GPC6: variants seen among roughly 807,000 people sequenced by gnomAD.
GPC6 encodes the protein glypican-6.
GPC6 carries 14 observed loss-of-function variants against 55.2 expected under a neutral mutation model. That is an observed-to-expected ratio of 0.25 (90% CI 0.17 to 0.40). GPC6 has a LOEUF of 0.40. Ranked by LOEUF, GPC6 falls within the 10% of genes least tolerant of loss-of-function variation. The probability of loss-of-function intolerance (pLI) is 1.00; values close to 1 mark genes in which losing one functional copy is unlikely to be tolerated. For synonymous variants in GPC6, 278 were observed against 259.6 expected, an observed-to-expected ratio of 1.07 and a Z score of -0.68; for missense variants, 641 against 708.5, an observed-to-expected ratio of 0.90 and a Z score of 1.08.
chr13:94,171,702 T>G (rs1888573945), intron 4 of GPC6, among the ~76,000 whole-genome samples: 1 of 152,120 alleles, frequency 6.6e-6, no homozygotes, highest in South Asian at 2.1e-4. Flanking sequence ...CCAGCTTGAG[T>G]TTCTTGAGGC....
chr13:93,482,954 A>G (rs542367318), intron 1 of GPC6, among the ~76,000 whole-genome samples: 23 of 152,258 alleles, frequency 1.5e-4, no homozygotes, highest in Admixed American at 5.2e-4. Context: ...TTAGAGTACA[A>G]GAGTGCATAG....
At chr13:93,812,395 AAAAAG>A (rs891716600) in intron 2 of GPC6, among the ~76,000 whole-genome samples, 2 of 152,194 alleles carry the variant, frequency 1.3e-5, no homozygotes, top group Admixed American at 1.3e-4. Context: ...CGGAAAAAAA[AAAAAG>A]AAGGAGATCT....
At chr13:93,892,746 C>T (rs1177647375) in intron 3 of GPC6, among the ~76,000 whole-genome samples, 1 of 152,126 alleles carries the variant, frequency 6.6e-6, no homozygotes, top group African/African-American at 2.4e-5. Flanking sequence ...CACTCAACAA[C>T]ATATCATTAA....
chr13:93,352,005 C>A (rs770210238), intron 1 of GPC6, among the ~76,000 whole-genome samples: 7 of 152,018 alleles, frequency 4.6e-5, no homozygotes, highest in Non-Finnish European at 1.0e-4. Context: ...AGGAAACCTG[C>A]AAAACTAATA....
At chr13:93,888,661 A>C (rs1875485206) in intron 3 of GPC6, among the ~76,000 whole-genome samples, 1 of 152,146 alleles carries the variant, frequency 6.6e-6, no homozygotes, top group African/African-American at 2.4e-5. Context: ...TTTGGTTATA[A>C]GTTTTTTCCT....
chr13:93,830,239 T>G lies in GPC6; in HGVS notation c.405T>G (p.Asn135Lys). 1 of 1,610,296 alleles carries G rather than the reference T, an allele frequency of 6.2e-7. No individual in the cohort carries two copies. Among genetic ancestry groups the G allele is most frequent in the Non-Finnish European group, 8.5e-7 (1 of 1,177,374 alleles). The change falls in exon 3 of 9, where the codon AAT (asparagine) becomes AAG (lysine). Residue 135 changes from asparagine to lysine, a missense_variant. By Grantham distance (94) the Asn-to-Lys change is moderately conservative. Transcript: ENST00000377047. ...VRTYGMLYMQNSEVFQDLFTE... is the reference protein window; with the variant it reads ...VRTYGMLYMQKSEVFQDLFTE... ...CCTATGGCATGCTGTACATGCAGAA[T>G]TCAGAAGTCTTCCAGGACCTCTTCA...
intron 5 of GPC6, among the ~76,000 whole-genome samples, chr13:94,294,607 C>G (rs962006526): frequency 6.6e-6 from 1 of 151,970 alleles, no homozygotes; most frequent in South Asian, 2.1e-4. Context: ...TTGATTATTA[C>G]AGGTTTCTTT....
intron 2 of GPC6, among the ~76,000 whole-genome samples, chr13:93,662,068 A>G (rs1880945302): frequency 6.6e-6 from 1 of 152,154 alleles, no homozygotes; most frequent in South Asian, 2.1e-4. Flanking sequence ...ACTAGCATGA[A>G]ATCATCCCCT....
chr13:94,128,137 G>A (rs1886885275), intron 4 of GPC6, among the ~76,000 whole-genome samples: 1 of 152,036 alleles, frequency 6.6e-6, no homozygotes, highest in African/African-American at 2.4e-5. Flanking sequence ...TAAAATCAGT[G>A]TGTTTATTTA....
At position 93,534,544 on chromosome 13, in the gene GPC6, C is replaced by G. The variant is rs573562765; in HGVS notation, c.161-10719C>G. 2.0e-5 allele frequency among the ~76,000 whole-genome samples: 3 copies of G among 152,294 alleles called. No homozygotes were observed. In the South Asian group the frequency reaches 6.2e-4, roughly 32 times the overall value. Reference sequence around the variant, plus strand: ...TCTCCTCCTCTTTCCCACCACGCCACTCACCAGGTCTATTCCTGGCCATTT... The same window carrying G: ...TCTCCTCCTCTTTCCCACCACGCCAGTCACCAGGTCTATTCCTGGCCATTT... On this transcript the variant is annotated intron_variant, in intron 1 of 8. Transcript: ENST00000377047.
intron 6 of GPC6, among the ~76,000 whole-genome samples, chr13:94,347,968 C>T (rs1271069752): frequency 6.6e-6 from 1 of 152,220 alleles, no homozygotes; most frequent in East Asian, 1.9e-4. Context: ...ATCTATCTCC[C>T]GTCACTGCCC....
Position 93,453,545 on chromosome 13 carries a change from C to T in GPC6, c.161-91718C>T, listed in dbSNP as rs2590558. Among the ~76,000 whole-genome samples, 17 of 141,418 alleles carry T rather than the reference C, an allele frequency of 1.2e-4. 3 individuals carry two copies. The highest frequency in any genetic ancestry group is 4.0e-4 in the African/African-American group (16 of 39,512). 92.8% of individuals were successfully genotyped at this position (141,418 alleles called of 152,430 possible). A position where few individuals can be genotyped will look rare whatever the true frequency, so the allele number is the denominator to read the frequency against. On this transcript the variant is annotated intron_variant, in intron 1 of 8. Transcript: ENST00000377047. ...CTTCAAGAATGAAGCCGCGGACCCT[C>T]GCAGTGAGTGTTACAACTCTTAAGG... is the stretch of plus-strand genomic sequence containing the variant.
chr13:93,520,913 G>A (rs1881395003), intron 1 of GPC6, among the ~76,000 whole-genome samples: 1 of 151,768 alleles, frequency 6.6e-6, no homozygotes, highest in African/African-American at 2.4e-5. Context: ...CTTCTGTCTC[G>A]GAACTGATGA....
intron 2 of GPC6, among the ~76,000 whole-genome samples, chr13:93,582,082 A>T (rs1876963268): frequency 6.6e-6 from 1 of 152,256 alleles, no homozygotes; most frequent in Non-Finnish European, 1.5e-5. Context: ...AACAAAACTT[A>T]AAAACTAAAT....
intron 4 of GPC6, among the ~76,000 whole-genome samples, chr13:94,030,619 C>T (rs1311857171): frequency 1.3e-5 from 2 of 152,182 alleles, no homozygotes; most frequent in Non-Finnish European, 2.9e-5. Context: ...TAATAGCCCT[C>T]TCTCTGGGTA....
intron 1 of GPC6, among the ~76,000 whole-genome samples, chr13:93,484,244 A>AT (rs1427867134): frequency 6.6e-6 from 1 of 151,972 alleles, no homozygotes; most frequent in East Asian, 1.9e-4. Flanking sequence ...AACAGATATC[A>AT]TTTTCTGTAG....
chr13:94,055,573 A>T (rs1884102370), intron 4 of GPC6, among the ~76,000 whole-genome samples: 1 of 152,218 alleles, frequency 6.6e-6, no homozygotes, highest in African/African-American at 2.4e-5. Context: ...AGAAATGTAT[A>T]ATTTAACTGA....
intron 4 of GPC6, among the ~76,000 whole-genome samples, chr13:94,084,988 T>C (rs1001950985): frequency 2.0e-5 from 3 of 151,986 alleles, no homozygotes; most frequent in African/African-American, 7.3e-5. Context: ...ATATCATGGA[T>C]CTTATACTTT....
chr13:93,442,190 G>T (rs1464197524), intron 1 of GPC6, among the ~76,000 whole-genome samples: 2 of 152,118 alleles, frequency 1.3e-5, no homozygotes, highest in South Asian at 4.1e-4. Context: ...CAGTGAAAAG[G>T]ATCCACCAGA....
Sources: gnomAD v4.1 joint callset for allele counts (sites outside exome capture counted in the v4.1 genomes callset) on GRCh38, gnomAD v4.1.1 for gene constraint, MANE v1.5 for transcripts, NCBI Gene and HGNC (gene_info 2026-07-23, HGNC 2026-07-21) for gene names.